The following RIN2 variants were observed in gnomAD, a reference collection of about 807,000 sequenced individuals.
The protein encoded by RIN2 is RAB5 interacting protein 2.
In RIN2, 36 loss-of-function variants were observed where a neutral mutation model predicts 78.0. The ratio of observed to expected loss-of-function variants is 0.46; its 90% confidence interval spans 0.35 to 0.61. RIN2 has a LOEUF of 0.61. Ranked by LOEUF, RIN2 falls within the 20% of genes least tolerant of loss-of-function variation. RIN2 has a pLI of 0.00. For synonymous variants in RIN2, 466 were observed against 466.8 expected (o/e 1.00, Z 0.02); for missense variants, 1,087 against 1,159.7 (o/e 0.94, Z 0.91).
At chr20:19,948,852 G>A (rs960844318) in intron 4 of RIN2, among the ~76,000 whole-genome samples, 1 of 151,910 alleles carries the variant, frequency 6.6e-6, no homozygotes, top group Non-Finnish European at 1.5e-5. Flanking sequence ...GCCCAGGCTC[G>A]AATGTAGTGG....
rs56319705 is a variant in RIN2 at position 19,888,059 on chromosome 20, C to A, written c.-36-1507C>A. Among the ~76,000 whole-genome samples the A allele has an allele frequency of 8.1e-3, 1,238 of 152,240 alleles. 6 individuals carry two copies. The highest frequency in any genetic ancestry group is 0.014 in the Middle Eastern group (4 of 294). The stretch of plus-strand genomic sequence containing the variant: ...ACCCCAGAACCTGAACTTCTAGAGT[C>A]AGCAAAATTGCACACTGCCTTCTCA... On this transcript the variant is annotated intron_variant, in intron 2 of 12. Transcript: ENST00000255006.
chr20:19,824,372 C>A lies in RIN2; in HGVS notation c.-37+24625C>A, dbSNP rs2036021004. On this transcript the variant is annotated intron_variant, in intron 2 of 12. Transcript: ENST00000255006. ...TACCTAGTACATCAAATTGTGATTT[C>A]ATCATCCTTATTATTATTTAAGGTG... 2.0e-5 allele frequency among the ~76,000 whole-genome samples: 3 copies of A among 152,168 alleles called. No individual in the cohort carries two copies. The South Asian group carries it at 6.2e-4, about 32-fold the overall frequency.
Position 19,811,265 on chromosome 20 carries a change from C to T in RIN2, c.-37+11518C>T, listed in dbSNP as rs115571253. 4.7e-3 allele frequency among the ~76,000 whole-genome samples: 708 copies of T among 152,092 alleles called. 3 individuals are homozygous for T. The highest frequency in any genetic ancestry group is 0.016 in the African/African-American group (682 of 41,498). The stretch of plus-strand genomic sequence containing the variant: ...AAAGATCAGATGCCACCATTGGCAA[C>T]GGGGGCTCAGTGGCGCTAGGAGCTC... On this transcript the variant is annotated intron_variant, in intron 2 of 12. Transcript: ENST00000255006.
chr20:19,971,292 G>A lies in RIN2; in HGVS notation c.628+363G>A, dbSNP rs186147445. On this transcript the variant is annotated intron_variant, in intron 8 of 12. Coordinates refer to ENST00000255006, the MANE Select transcript of RIN2 (RefSeq NM_018993.4). ...CGTCTGTTCCACTTCCTCTCTTGTC[G>A]TTCAATTGTTGTCCTGCTGTTCTGG... 7.9e-5 allele frequency among the ~76,000 whole-genome samples: 12 copies of A among 151,850 alleles called. No homozygotes were observed. The South Asian group carries it at 1.0e-3, about 13-fold the overall frequency.
At chr20:19,992,708 A>G (rs531686261) in intron 11 of RIN2, among the ~76,000 whole-genome samples, 2 of 152,358 alleles carry the variant, frequency 1.3e-5, no homozygotes, top group South Asian at 4.1e-4. Flanking sequence ...GGCAATAAAA[A>G]AAATACATTC....
intron 2 of RIN2, among the ~76,000 whole-genome samples, chr20:19,823,114 A>C (rs536787984): frequency 2.6e-5 from 4 of 152,344 alleles, no homozygotes; most frequent in Non-Finnish European, 5.9e-5. Flanking sequence ...TAACTAAGTA[A>C]CTGCTCAAAG....
chr20:19,844,855 G>T (rs6112607), intron 2 of RIN2, among the ~76,000 whole-genome samples: 2 of 151,846 alleles, frequency 1.3e-5, no homozygotes, highest in Non-Finnish European at 2.9e-5. Flanking sequence ...ATCTACATTA[G>T]GTATTTCTGC....
intron 2 of RIN2, among the ~76,000 whole-genome samples, chr20:19,831,969 C>T (rs6136854): frequency 0.26 from 39,236 of 151,902 alleles, 6,820 homozygotes; most frequent in African/African-American, 0.5. Context: ...TGAATAATAA[C>T]AATTATAATA....
At chr20:19,848,420 C>CA (rs1555833019) in intron 2 of RIN2, among the ~76,000 whole-genome samples, 2 of 151,608 alleles carry the variant, frequency 1.3e-5, no homozygotes, top group Non-Finnish European at 2.9e-5. Flanking sequence ...CCTGTAATCC[C>CA]AGCTACTTGG....
chr20:19,929,919 GTGATGCTAACTGC>G (rs1388772585), intron 3 of RIN2, among the ~76,000 whole-genome samples: 3 of 152,192 alleles, frequency 2.0e-5, no homozygotes, highest in African/African-American at 7.2e-5. Flanking sequence ...GAAGTGTTTT[GTGATGCTAACTGC>G]TGCTGGCGGA....
At chr20:19,842,669 TCTAA>T (rs765140782) in intron 2 of RIN2, among the ~76,000 whole-genome samples, 13 of 152,102 alleles carry the variant, frequency 8.5e-5, no homozygotes, top group Non-Finnish European at 1.6e-4. Context: ...ACCCAAGAGT[TCTAA>T]CTGAGATGTA....
chr20:19,995,270 A>AAAC (rs1555811979), intron 11 of RIN2, among the ~76,000 whole-genome samples: 2 of 151,372 alleles, frequency 1.3e-5, no homozygotes, highest in African/African-American at 4.9e-5. Context: ...TTAAAAAAAA[A>AAAC]AAAAAAAACA....
At chr20:19,844,095 T>A (rs2036661340) in intron 2 of RIN2, among the ~76,000 whole-genome samples, 1 of 152,266 alleles carries the variant, frequency 6.6e-6, no homozygotes, top group Admixed American at 6.5e-5. Flanking sequence ...CAAATTCCAA[T>A]GCCAAAATAA....
Position 20,001,025 on chromosome 20 carries a change from T to C in RIN2, c.*89T>C. ...CTACATGCTTGAGCTTGAAAAGCAG[T>C]CACCTCCTCGGGGACCCCTCAGTGT... On this transcript the variant is annotated 3_prime_UTR_variant, in exon 13 of 13. Transcript: ENST00000255006. 3.1e-6 allele frequency: 4 copies of C among 1,296,290 alleles called. No individual in the cohort carries two copies. Among genetic ancestry groups the C allele is most frequent in the Non-Finnish European group, 4.2e-6 (4 of 947,846 alleles). The allele number at this position is 1,296,290 out of a possible 1,614,324, so 80.3% of individuals were successfully genotyped here.
chr20:19,823,699 A>G lies in RIN2; in HGVS notation c.-37+23952A>G, dbSNP rs1004999149. The G allele has an allele frequency of 4.4e-6, 7 of 1,585,778 alleles. No individual in the cohort carries two copies. The African/African-American group carries it at 9.4e-5, about 21-fold the overall frequency. On this transcript the variant is annotated intron_variant, in intron 2 of 12. Coordinates refer to ENST00000255006, the MANE Select transcript of RIN2 (RefSeq NM_018993.4). ...TCTTGGTGGTTCCTTGAGGGCTTTG[A>G]TGATCATGGCAGAGGCAGAAGGCAC...
At chr20:19,964,160 G>A (rs1007711275) in intron 6 of RIN2, among the ~76,000 whole-genome samples, 5 of 151,930 alleles carry the variant, frequency 3.3e-5, no homozygotes, top group Non-Finnish European at 7.4e-5. Context: ...CACCATGGCC[G>A]GCTCAGAACA....
Position 19,974,744 on chromosome 20 carries a change from T to C in RIN2, c.719T>C (p.Leu240Pro). The change falls in exon 9 of 13, where the codon CTG becomes CCG. Residue 240 changes from leucine (L) to proline (P), a missense_variant. By Grantham distance (98) the Leu-to-Pro change is moderately conservative. Coordinates refer to ENST00000255006, the MANE Select transcript of RIN2 (RefSeq NM_018993.4). ...LSSDGVCPASLRQLCLINGVH... is the reference protein window; with the variant it reads ...LSSDGVCPASPRQLCLINGVH... ...TCCGACGGTGTCTGTCCTGCCTCCC[T>C]GCGTCAGCTCTGCCTTATAAATGGA... 1 of 1,614,048 alleles carries C rather than the reference T, an allele frequency of 6.2e-7. No individual in the cohort carries two copies. The highest frequency in any genetic ancestry group is 8.5e-7 in the Non-Finnish European group (1 of 1,179,894).
chr20:19,993,705 G>A (rs564576091), intron 11 of RIN2, among the ~76,000 whole-genome samples: 1 of 152,214 alleles, frequency 6.6e-6, no homozygotes, highest in South Asian at 2.1e-4. Context: ...TTTCTTGCCT[G>A]CTCTGCCCTG....
intron 1 of RIN2, among the ~76,000 whole-genome samples, chr20:19,776,754 G>GAA (rs895459311): frequency 6.8e-6 from 1 of 147,580 alleles, no homozygotes; most frequent in Non-Finnish European, 1.5e-5. Flanking sequence ...AAGAAAGAAA[G>GAA]AAAAAATCTT....
Sources: allele counts gnomAD v4.1 joint callset (sites outside exome capture counted in the v4.1 genomes callset), GRCh38; gene constraint gnomAD v4.1.1; transcripts MANE v1.5; gene names NCBI Gene and HGNC (gene_info 2026-07-23, HGNC 2026-07-21).